The following TRAK1 variants were observed in gnomAD, a reference collection of about 807,000 sequenced individuals.
TRAK1 encodes the protein trafficking kinesin-binding protein 1.
A neutral mutation model predicts 92.1 loss-of-function variants in TRAK1; 33 were observed. That is an observed-to-expected ratio of 0.36 (90% CI 0.27 to 0.48). The LOEUF is 0.48. TRAK1 is among the 20% of genes least tolerant of loss of function. The pLI is 0.99. For missense variants in TRAK1, 1,123 were observed against 1,257.9 expected (o/e 0.89, Z 1.62); for synonymous variants, 521 against 517.3 (o/e 1.01, Z -0.10).
intron 2 of TRAK1, among the ~76,000 whole-genome samples, chr3:42,135,956 A>G (rs138989023): frequency 1.1e-4 from 17 of 152,312 alleles, no homozygotes; most frequent in African/African-American, 4.1e-4. Flanking sequence ...CCCGACTTCC[A>G]TAGAAACTCG....
chr3:42,219,113 A>C (rs1710048942), intron 14 of TRAK1: 2 of 985,416 alleles, frequency 2.0e-6, no homozygotes, highest in Non-Finnish European at 1.2e-6. Flanking sequence ...AATGCAAAGA[A>C]ATGTAAAGCA....
Position 42,106,341 on chromosome 3 carries a change from GA to G in TRAK1, c.91+14785del, listed in dbSNP as rs879682614. On this transcript the variant is annotated intron_variant, in intron 1 of 15. Coordinates refer to ENST00000327628, the MANE Select transcript of TRAK1 (RefSeq NM_001042646.3). ...TGGAGGAAGATCTACCAAGCAAATG[GA>G]AAACAAAACAAAAAAAAAGCAGGGG... 3.3e-5 allele frequency among the ~76,000 whole-genome samples: 5 copies of G among 151,450 alleles called. No homozygotes were observed. The East Asian group carries it at 5.8e-4, about 18-fold the overall frequency.
At chr3:42,014,651 G>GA (rs1559697602) in intron 1 of TRAK1, among the ~76,000 whole-genome samples, 1 of 152,196 alleles carries the variant, frequency 6.6e-6, no homozygotes, top group African/African-American at 2.4e-5. Context: ...TGTGTTTCAG[G>GA]AAAGATGTTA....
At chr3:42,062,279 G>A (rs1703479255) in intron 1 of TRAK1, among the ~76,000 whole-genome samples, 1 of 152,136 alleles carries the variant, frequency 6.6e-6, no homozygotes, top group African/African-American at 2.4e-5. Context: ...TGCCGTATTA[G>A]CGGAGGTGCA....
intron 1 of TRAK1, among the ~76,000 whole-genome samples, chr3:42,025,571 G>A (rs746880400): frequency 2.6e-5 from 4 of 151,988 alleles, no homozygotes; most frequent in Non-Finnish European, 4.4e-5. Flanking sequence ...AAAGAAGAAT[G>A]TGTCTGTTCA....
At chr3:42,222,213 C>T (rs985879855) in intron 15 of TRAK1, among the ~76,000 whole-genome samples, 16 of 152,154 alleles carry the variant, frequency 1.1e-4, no homozygotes, top group Admixed American at 1.0e-3. Context: ...TTCAGTGGGC[C>T]TTTCCCTGGG....
chr3:42,197,447 GT>G (rs931979276), intron 10 of TRAK1, among the ~76,000 whole-genome samples: 18 of 151,772 alleles, frequency 1.2e-4, no homozygotes, highest in South Asian at 2.1e-4. Flanking sequence ...ATTATTTTTT[GT>G]TTTTTTTCCC....
At chr3:42,209,221 A>T (rs960768329) in intron 13 of TRAK1, among the ~76,000 whole-genome samples, 1 of 152,180 alleles carries the variant, frequency 6.6e-6, no homozygotes, top group African/African-American at 2.4e-5. Context: ...TGATGGCCAC[A>T]TCTGCCACAC....
rs374669562 is a variant in TRAK1 at position 42,189,137 on chromosome 3, C to A, written c.690+13C>A. 6.3e-7 allele frequency: 1 copy of A among 1,596,696 alleles called. No individual in the cohort carries two copies. The highest frequency in any genetic ancestry group is 2.2e-5 in the East Asian group (1 of 44,812). On this transcript the variant is annotated intron_variant, in intron 6 of 15. Transcript: ENST00000327628. ...ACTTCGATCCGAGGTGATGTGCCCT[C>A]CCTTCTCTTGCCCCTGCTAGAAGGG...
upstream of TRAK1, among the ~76,000 whole-genome samples, chr3:42,086,103 G>T (rs936913528): frequency 6.6e-6 from 1 of 152,198 alleles, no homozygotes; most frequent in African/African-American, 2.4e-5. Context: ...CACATGTGAT[G>T]TGTGTGCAGG....
intron 1 of TRAK1, among the ~76,000 whole-genome samples, chr3:42,062,647 A>T (rs1353378286): frequency 6.6e-6 from 1 of 152,214 alleles, no homozygotes; most frequent in African/African-American, 2.4e-5. Flanking sequence ...AGGTTGTGTC[A>T]GCGCTATCTG....
At chr3:42,108,506 A>G (rs928399059) in intron 1 of TRAK1, among the ~76,000 whole-genome samples, 1 of 151,776 alleles carries the variant, frequency 6.6e-6, no homozygotes, top group African/African-American at 2.4e-5. Context: ...AAAAAAAAAA[A>G]AAAAAAAAGA....
intron 2 of TRAK1, among the ~76,000 whole-genome samples, chr3:42,125,954 G>A (rs1710505923): frequency 6.6e-6 from 1 of 151,920 alleles, no homozygotes; most frequent in African/African-American, 2.4e-5. Context: ...GGGTTCAAAC[G>A]ATTCTCCTGC....
intron 2 of TRAK1, chr3:42,145,955 G>A (rs772717711): frequency 3.2e-5 from 8 of 251,672 alleles, no homozygotes; most frequent in African/African-American, 1.4e-4. Context: ...CAAATTTGTC[G>A]ATATGTGTTT....
chr3:42,200,544 T>C (rs1269193010), intron 11 of TRAK1, among the ~76,000 whole-genome samples: 2 of 152,228 alleles, frequency 1.3e-5, no homozygotes, highest in African/African-American at 4.8e-5. Context: ...GCTTTAGGGA[T>C]GTGAAACACA....
chr3:42,154,521 C>G (rs192462580), intron 2 of TRAK1, among the ~76,000 whole-genome samples: 29 of 152,194 alleles, frequency 1.9e-4, no homozygotes, highest in Non-Finnish European at 1.9e-4. Context: ...TCTTGTCACC[C>G]AGGCGGGAGT....
intron 2 of TRAK1, among the ~76,000 whole-genome samples, chr3:42,162,532 G>A (rs1210674847): frequency 2.0e-5 from 3 of 152,146 alleles, no homozygotes; most frequent in Admixed American, 6.5e-5. Context: ...AGGGGGATAC[G>A]TGTGACACAG....
At chr3:42,110,985 A>G (rs1029692482) in intron 1 of TRAK1, among the ~76,000 whole-genome samples, 2 of 152,170 alleles carry the variant, frequency 1.3e-5, no homozygotes, top group African/African-American at 2.4e-5. Flanking sequence ...CTGGTAATCA[A>G]TCACTAAATC....
chr3:42,149,426 C>G, intron 2 of TRAK1: 1 of 1,507,508 alleles, frequency 6.6e-7, no homozygotes, highest in South Asian at 1.3e-5. Flanking sequence ...TGGTGTGTTT[C>G]GGGATATTCT....
Sources: allele counts gnomAD v4.1 joint callset (sites outside exome capture counted in the v4.1 genomes callset), GRCh38; gene constraint gnomAD v4.1.1; transcripts MANE v1.5; gene names NCBI Gene and HGNC (gene_info 2026-07-23, HGNC 2026-07-21).